SMYD3: variants seen among roughly 807,000 people sequenced by gnomAD.
SMYD3 encodes the protein SET and MYND domain containing 3, also known as histone-lysine N-methyltransferase SMYD3.
In SMYD3, 36 loss-of-function variants were observed where a neutral mutation model predicts 57.7. The observed-to-expected ratio is 0.62, with a 90% CI of 0.48 to 0.82. The LOEUF (loss-of-function observed/expected upper bound fraction) is 0.82. Among genes scored for constraint, SMYD3 ranks in the 40% least tolerant of loss-of-function variants. The pLI, the probability that SMYD3 is intolerant of heterozygous loss-of-function variation, is 0.00. For missense variants in SMYD3, 515 were observed against 538.8 expected (o/e 0.96, Z 0.44); for synonymous variants, 211 against 195.0 (o/e 1.08, Z -0.68).
intron 5 of SMYD3, among the ~76,000 whole-genome samples, chr1:246,273,166 G>A (rs957798845): frequency 2.9e-4 from 16 of 55,088 alleles, no homozygotes; most frequent in African/African-American, 1.1e-3. Context: ...TTTTTTGGGG[G>A]GGGGACAGAG....
intron 10 of SMYD3, among the ~76,000 whole-genome samples, chr1:245,814,826 GCACA>G (rs1398390401): frequency 2.7e-5 from 4 of 149,618 alleles, no homozygotes; most frequent in African/African-American, 9.9e-5. Context: ...ACACACGCAC[GCACA>G]CACGCACACA....
chr1:246,065,962 C>T (rs12132151), intron 5 of SMYD3, among the ~76,000 whole-genome samples: 25,885 of 152,020 alleles, frequency 0.17, 2,725 homozygotes, highest in East Asian at 0.39. Context: ...TTCTCCTTTA[C>T]ATCTGTTTTT....
intron 5 of SMYD3, among the ~76,000 whole-genome samples, chr1:246,279,791 A>G (rs2064407820): frequency 1.3e-5 from 2 of 152,204 alleles, no homozygotes; most frequent in Admixed American, 6.5e-5. Context: ...GACGCATCAC[A>G]CAACTTCTCT....
intron 5 of SMYD3, among the ~76,000 whole-genome samples, chr1:246,258,894 CAA>C (rs1185241681): frequency 1.3e-5 from 2 of 152,246 alleles, no homozygotes; most frequent in South Asian, 2.1e-4. Context: ...CCATATTTCT[CAA>C]AGACTGTTTA....
intron 5 of SMYD3, among the ~76,000 whole-genome samples, chr1:246,032,516 T>C (rs1438229398): frequency 6.6e-6 from 1 of 152,088 alleles, no homozygotes; most frequent in East Asian, 1.9e-4. Flanking sequence ...CATATCCGAG[T>C]CCTGGCTCTG....
chr1:245,823,396 C>A (rs1307678749), intron 10 of SMYD3, among the ~76,000 whole-genome samples: 1 of 152,104 alleles, frequency 6.6e-6, no homozygotes, highest in Non-Finnish European at 1.5e-5. Flanking sequence ...GGCATCCGTC[C>A]CTGGAGAAGT....
intron 5 of SMYD3, among the ~76,000 whole-genome samples, chr1:246,053,829 A>G (rs1162523643): frequency 6.6e-6 from 1 of 152,122 alleles, no homozygotes; most frequent in Non-Finnish European, 1.5e-5. Flanking sequence ...AAATGCTAAA[A>G]CAGAAAACTC....
chr1:246,114,869 A>C (rs1572048624), intron 5 of SMYD3, among the ~76,000 whole-genome samples: 1 of 149,722 alleles, frequency 6.7e-6, no homozygotes, highest in African/African-American at 2.4e-5. Flanking sequence ...TGACCTCGTG[A>C]TCTGCCCACC....
chr1:245,970,879 G>A (rs1217365087), intron 5 of SMYD3, among the ~76,000 whole-genome samples: 1 of 152,200 alleles, frequency 6.6e-6, no homozygotes, highest in Admixed American at 6.5e-5. Flanking sequence ...CATTGTGGAA[G>A]ACAGTGTGGT....
intron 2 of SMYD3, among the ~76,000 whole-genome samples, chr1:246,343,302 T>C (rs1369342352): frequency 6.6e-6 from 1 of 152,250 alleles, no homozygotes; most frequent in Non-Finnish European, 1.5e-5. Context: ...CACCAGCTTC[T>C]AGCTGAATAC....
intron 1 of SMYD3, among the ~76,000 whole-genome samples, chr1:246,399,558 G>C (rs753837175): frequency 1.3e-5 from 2 of 151,844 alleles, no homozygotes; most frequent in Admixed American, 1.3e-4. Context: ...TGCCCAAGCC[G>C]GTCTCGAACT....
chr1:246,379,758 G>T (rs576100303), intron 1 of SMYD3, among the ~76,000 whole-genome samples: 1 of 152,292 alleles, frequency 6.6e-6, no homozygotes, highest in Non-Finnish European at 1.5e-5. Flanking sequence ...CCAGCACTTT[G>T]GGAGGCCAAG....
At chr1:246,172,579 C>T (rs1244160036) in intron 5 of SMYD3, among the ~76,000 whole-genome samples, 1 of 150,896 alleles carries the variant, frequency 6.6e-6, no homozygotes, top group Non-Finnish European at 1.5e-5. Context: ...AGAACACTCA[C>T]TGTACTCTAC....
At chr1:245,786,607 C>G (rs74420495) in intron 10 of SMYD3, among the ~76,000 whole-genome samples, 1 of 151,912 alleles carries the variant, frequency 6.6e-6, no homozygotes, top group African/African-American at 2.4e-5. Flanking sequence ...ATGCAAGAAC[C>G]CTAACACACT....
At chr1:246,049,032 C>A (rs1273931824) in intron 5 of SMYD3, among the ~76,000 whole-genome samples, 1 of 151,992 alleles carries the variant, frequency 6.6e-6, no homozygotes, top group East Asian at 1.9e-4. Context: ...TAAAAGGAGA[C>A]CATAGCAGGC....
At chr1:246,085,057 T>A (rs1313244398) in intron 5 of SMYD3, among the ~76,000 whole-genome samples, 1 of 152,232 alleles carries the variant, frequency 6.6e-6, no homozygotes, top group Non-Finnish European at 1.5e-5. Flanking sequence ...GCTTTAAAGC[T>A]GTACATCCTA....
At chr1:246,329,593 C>T (rs2065425024) in intron 4 of SMYD3, among the ~76,000 whole-genome samples, 4 of 151,766 alleles carry the variant, frequency 2.6e-5, no homozygotes, top group Admixed American at 2.6e-4. Context: ...GGATATTAGC[C>T]CTTTGTCAGA....
chr1:246,485,663 C>T (rs115927258), intron 1 of SMYD3, among the ~76,000 whole-genome samples: 8,577 of 151,756 alleles, frequency 0.057, 408 homozygotes, highest in African/African-American at 0.13. Context: ...GGTGGTGGTT[C>T]GTGCCTGTAG....
intron 5 of SMYD3, among the ~76,000 whole-genome samples, chr1:246,127,725 A>G (rs1211525114): frequency 6.6e-6 from 1 of 151,936 alleles, no homozygotes; most frequent in Non-Finnish European, 1.5e-5. Flanking sequence ...ACGAAACCCC[A>G]TCTCTACTAA....
Sources: allele counts gnomAD v4.1 joint callset (sites outside exome capture counted in the v4.1 genomes callset), GRCh38; gene constraint gnomAD v4.1.1; transcripts MANE v1.5; gene names NCBI Gene and HGNC (gene_info 2026-07-23, HGNC 2026-07-21).